ASB4: variants seen among roughly 807,000 people sequenced by gnomAD.
The protein encoded by ASB4 is ankyrin repeat and SOCS box protein 4.
Under a neutral mutation model 38.6 loss-of-function variants are expected in ASB4, and 35 were observed. That is an observed-to-expected ratio of 0.91 (90% confidence interval 0.69 to 1.20). ASB4 has a LOEUF of 1.20. ASB4 is among the 50% of genes most tolerant of loss of function. ASB4 has a pLI of 0.00. For synonymous variants in ASB4, 195 were observed against 201.3 expected (o/e 0.97, Z 0.26); for missense variants, 557 against 527.2 (o/e 1.06, Z -0.55).
At chr7:95,546,717 C>T in the ASB4 span, among the ~76,000 whole-genome samples, 1 of 152,206 alleles carries the variant, frequency 6.6e-6, no homozygotes, top group African/African-American at 2.4e-5. Flanking sequence ...CATTCTCAAT[C>T]CTCTCACAGG....
At chr7:95,520,935 T>C (rs1173190307) in intron 2 of ASB4, among the ~76,000 whole-genome samples, 2 of 152,194 alleles carry the variant, frequency 1.3e-5, no homozygotes, top group African/African-American at 4.8e-5. Flanking sequence ...TTTTTAATTT[T>C]AAGAAAATTT....
rs1584093125 is a variant in ASB4, at chr7:95,528,674, G to A, written c.978+371G>A. 1.3e-5 allele frequency: 14 copies of A among 1,118,646 alleles called. No homozygotes were observed. In the East Asian group the frequency reaches 7.0e-4, roughly 56 times the overall value. 69.3% of individuals were successfully genotyped at this position (1,118,646 alleles called of 1,614,324 possible). ...GAATGACTGATCTAAAGATGACTCA[G>A]CCTGCTTTGAAATTAGCTTGTAGCC... On this transcript the variant is annotated intron_variant, in intron 3 of 4. Coordinates refer to ENST00000325885, the MANE Select transcript of ASB4 (RefSeq NM_016116.3).
chr7:95,502,672 CTT>C, intron 2 of ASB4, among the ~76,000 whole-genome samples: 1 of 152,302 alleles, frequency 6.6e-6, no homozygotes, highest in Non-Finnish European at 1.5e-5. Flanking sequence ...AAATTAGAGA[CTT>C]TCTCCTAATT....
intron 2 of ASB4, among the ~76,000 whole-genome samples, chr7:95,509,232 G>GT (rs1456639488): frequency 1.1e-4 from 16 of 152,274 alleles, no homozygotes; most frequent in African/African-American, 3.8e-4. Flanking sequence ...CCCTAAAGAA[G>GT]TAGGGGTGTT....
At chr7:95,486,995 C>T (rs1162974491) in intron 1 of ASB4, among the ~76,000 whole-genome samples, 1 of 152,160 alleles carries the variant, frequency 6.6e-6, no homozygotes, top group East Asian at 1.9e-4. Context: ...TGCTCAACAT[C>T]ACTAATGTTT....
At chr7:95,525,491 A>C (rs1021558136) in intron 2 of ASB4, among the ~76,000 whole-genome samples, 6 of 152,158 alleles carry the variant, frequency 3.9e-5, no homozygotes, top group African/African-American at 1.4e-4. Flanking sequence ...TTCAAGTATA[A>C]AAATAAGGAA....
At chr7:95,471,979 T>G in the ASB4 span, 1 of 151,930 alleles carries the variant, frequency 6.6e-6, no homozygotes, top group African/African-American at 2.4e-5. Flanking sequence ...TATTGTGCTA[T>G]TCCATTTCTT....
chr7:95,534,526 G>A (rs1269206193), intron 3 of ASB4, among the ~76,000 whole-genome samples: 1 of 151,880 alleles, frequency 6.6e-6, no homozygotes, highest in Non-Finnish European at 1.5e-5. Context: ...CCCAGCTTCA[G>A]CCACCCCTCC....
At chr7:95,509,412 A>AT (rs1255969009) in intron 2 of ASB4, among the ~76,000 whole-genome samples, 1 of 152,186 alleles carries the variant, frequency 6.6e-6, no homozygotes, top group African/African-American at 2.4e-5. Context: ...CATGGTGACC[A>AT]ACGCCATGTC....
chr7:95,509,934 G>A (rs1296283418), intron 2 of ASB4, among the ~76,000 whole-genome samples: 2 of 152,098 alleles, frequency 1.3e-5, no homozygotes, highest in Admixed American at 1.3e-4. Flanking sequence ...TTTTGGGTCC[G>A]TGATGCTCCC....
intron 2 of ASB4, among the ~76,000 whole-genome samples, chr7:95,503,481 C>T (rs1790368162): frequency 6.6e-6 from 1 of 152,208 alleles, no homozygotes; most frequent in African/African-American, 2.4e-5. Context: ...GCCCTGAGTG[C>T]ATGGATGGGG....
At chr7:95,478,077 G>A (rs1220994527), upstream of ASB4, among the ~76,000 whole-genome samples, 5 of 152,132 alleles carry the variant, frequency 3.3e-5, no homozygotes, top group Non-Finnish European at 7.4e-5. Context: ...TAAAAAGAAC[G>A]TTACAGAGGA....
intron 1 of ASB4, among the ~76,000 whole-genome samples, chr7:95,487,670 A>G (rs1790111458): frequency 6.6e-6 from 1 of 152,150 alleles, no homozygotes; most frequent in Admixed American, 6.5e-5. Flanking sequence ...AAAAGAAAAT[A>G]CATTTTAAAT....
chr7:95,513,131 GC>G (rs958307556), intron 2 of ASB4, among the ~76,000 whole-genome samples: 17 of 152,126 alleles, frequency 1.1e-4, no homozygotes, highest in Admixed American at 5.2e-4. Flanking sequence ...GAGGAAGGAG[GC>G]CATGGTCACG....
intron 1 of ASB4, among the ~76,000 whole-genome samples, chr7:95,488,332 C>T (rs951031909): frequency 1.4e-5 from 2 of 145,472 alleles, no homozygotes; most frequent in African/African-American, 5.2e-5. Flanking sequence ...CACAGGGAGA[C>T]TCCGTCTCAA....
intron 2 of ASB4, among the ~76,000 whole-genome samples, chr7:95,515,661 G>A (rs776923045): frequency 6.6e-6 from 1 of 152,102 alleles, no homozygotes; most frequent in Admixed American, 6.5e-5. Context: ...TGATCCCCCC[G>A]ACCTTGGCCT....
the ASB4 span, among the ~76,000 whole-genome samples, chr7:95,549,303 T>TTTTTTTTTATTTA: frequency 2.2e-4 from 29 of 133,668 alleles, 1 homozygote; most frequent in East Asian, 3.4e-3. Context: ...GAGACTCCAT[T>TTTTTTTTTATTTA]TTTTTTTTTT....
chr7:95,520,116 A>T (rs1272533797), intron 2 of ASB4, among the ~76,000 whole-genome samples: 1 of 152,232 alleles, frequency 6.6e-6, no homozygotes, highest in Non-Finnish European at 1.5e-5. Context: ...GGGGCATTAT[A>T]TTCAATGATA....
At position 95,535,988 on chromosome 7, in the gene ASB4, G is replaced by A. The variant is rs529714777; in HGVS notation, c.979-449G>A. Among the ~76,000 whole-genome samples the A allele has an allele frequency of 5.9e-5, 9 of 152,312 alleles. 1 individual carries two copies. Among genetic ancestry groups the A allele is most frequent in the African/African-American group, 2.2e-4 (9 of 41,578 alleles). On this transcript the variant is annotated intron_variant, in intron 3 of 4. Transcript: ENST00000325885. ...CCAGGCAGCTGGGAATGTATTCTGTGTCCAGTCTGTCTCTAAATTGCTTCA... is the reference window on the plus strand; with the variant it reads ...CCAGGCAGCTGGGAATGTATTCTGTATCCAGTCTGTCTCTAAATTGCTTCA...
Sources: allele counts gnomAD v4.1 joint callset (sites outside exome capture counted in the v4.1 genomes callset), GRCh38; gene constraint gnomAD v4.1.1; transcripts MANE v1.5; gene names NCBI Gene and HGNC (gene_info 2026-07-23, HGNC 2026-07-21).